RASAL2: variants seen among roughly 807,000 people sequenced by gnomAD.
RASAL2 encodes RAS protein activator like 2, also known as ras GTPase-activating protein nGAP.
RASAL2 carries 58 observed loss-of-function variants against 128.9 expected under a neutral mutation model. That is an observed-to-expected ratio of 0.45 (90% CI 0.36 to 0.56). The LOEUF (loss-of-function observed/expected upper bound fraction) is 0.56. RASAL2 is among the 20% of genes least tolerant of loss of function. RASAL2 has a pLI of 0.00. For missense variants in RASAL2, 1,360 were observed against 1,601.6 expected (o/e 0.85, Z 2.57); for synonymous variants, 561 against 580.8 (o/e 0.97, Z 0.49).
intron 8 of RASAL2, among the ~76,000 whole-genome samples, chr1:178,444,787 C>T (rs1418854402): frequency 1.3e-5 from 2 of 151,904 alleles, no homozygotes; most frequent in African/African-American, 2.4e-5. Context: ...CACTGTGGAC[C>T]GATTTGTAAG....
intron 1 of RASAL2, among the ~76,000 whole-genome samples, chr1:178,281,187 G>A (rs1270834156): frequency 6.6e-6 from 1 of 151,802 alleles, no homozygotes; most frequent in African/African-American, 2.4e-5. Context: ...AGAAAAAGAA[G>A]CTGTAAAATC....
intron 15 of RASAL2, among the ~76,000 whole-genome samples, 190 bp downstream of exon 15, chr1:178,464,602 A>C (rs1328424781): frequency 2.6e-5 from 3 of 115,156 alleles, no homozygotes; most frequent in African/African-American, 4.1e-5. Flanking sequence ...GTGTGTGTGA[A>C]TATACATGGA....
chr1:178,391,676 G>A (rs1443629539), intron 4 of RASAL2, among the ~76,000 whole-genome samples: 1 of 152,148 alleles, frequency 6.6e-6, no homozygotes, highest in Non-Finnish European at 1.5e-5. Flanking sequence ...AGTACAAAAA[G>A]GAGTCAGACT....
intron 4 of RASAL2, among the ~76,000 whole-genome samples, chr1:178,399,306 T>C (rs1673461463): frequency 6.6e-6 from 1 of 151,992 alleles, no homozygotes; most frequent in African/African-American, 2.4e-5. Flanking sequence ...AGGGTAGTCC[T>C]TGCCCCTGCC....
At chr1:178,353,989 A>G (rs1013633316) in intron 3 of RASAL2, among the ~76,000 whole-genome samples, 35 of 152,092 alleles carry the variant, frequency 2.3e-4, no homozygotes, top group African/African-American at 8.5e-4. Context: ...AAGAAGAAGG[A>G]AGATACATTT....
chr1:178,246,736 G>A (rs916119733), intron 1 of RASAL2, among the ~76,000 whole-genome samples: 1 of 152,086 alleles, frequency 6.6e-6, no homozygotes, highest in Non-Finnish European at 1.5e-5. Context: ...TTTGAGATAT[G>A]TTCCATCAAT....
intron 5 of RASAL2, among the ~76,000 whole-genome samples, chr1:178,435,950 C>G (rs1245981325): frequency 6.6e-6 from 1 of 152,040 alleles, no homozygotes; most frequent in Non-Finnish European, 1.5e-5. Flanking sequence ...TCATTATTCT[C>G]CCAATAAATC....
chr1:178,445,466 T>A, intron 8 of RASAL2, 52 bp from the exon 9 acceptor site: 1 of 1,565,772 alleles, frequency 6.4e-7, no homozygotes, highest in Non-Finnish European at 8.7e-7. Flanking sequence ...TCTCTTCTAA[T>A]GTGTATTATT....
At chr1:178,191,363 A>G (rs906265645) in intron 1 of RASAL2, among the ~76,000 whole-genome samples, 7 of 151,884 alleles carry the variant, frequency 4.6e-5, no homozygotes, top group African/African-American at 1.2e-4. Flanking sequence ...AAAAAAACAC[A>G]TACAAAAACA....
intron 8 of RASAL2, among the ~76,000 whole-genome samples, chr1:178,444,559 ATGT>A (rs1314220977): frequency 2.6e-5 from 4 of 152,310 alleles, no homozygotes; most frequent in Admixed American, 2.6e-4. Flanking sequence ...AAAATATATG[ATGT>A]TATCACATTC....
intron 1 of RASAL2, among the ~76,000 whole-genome samples, chr1:178,267,405 T>C (rs1051648754): frequency 6.6e-6 from 1 of 152,114 alleles, no homozygotes; most frequent in Non-Finnish European, 1.5e-5. Flanking sequence ...TGGTTTGTTT[T>C]TATCAGTATT....
At chr1:178,236,956 G>A (rs1374939657) in intron 1 of RASAL2, among the ~76,000 whole-genome samples, 1 of 151,650 alleles carries the variant, frequency 6.6e-6, no homozygotes, top group Non-Finnish European at 1.5e-5. Context: ...TAGAGATGGG[G>A]TTTCGCCATG....
chr1:178,190,590 A>G (rs1662458970), intron 1 of RASAL2, among the ~76,000 whole-genome samples: 1 of 152,208 alleles, frequency 6.6e-6, no homozygotes, highest in Non-Finnish European at 1.5e-5. Flanking sequence ...TCTAGCTAGA[A>G]TAAACTACGT....
chr1:178,459,978 C>T (rs1200353449), intron 14 of RASAL2, among the ~76,000 whole-genome samples: 2 of 152,132 alleles, frequency 1.3e-5, no homozygotes, highest in Admixed American at 1.3e-4. Flanking sequence ...TGTTAGAAGG[C>T]TATCAGTCAT....
chr1:178,244,244 AT>A (rs905802489), intron 1 of RASAL2, among the ~76,000 whole-genome samples: 13 of 148,804 alleles, frequency 8.7e-5, no homozygotes, highest in South Asian at 6.5e-4. Flanking sequence ...CTTTTATTTC[AT>A]TTTTTTTTTC....
At chr1:178,371,200 A>G (rs951706945) in intron 3 of RASAL2, among the ~76,000 whole-genome samples, 1 of 151,728 alleles carries the variant, frequency 6.6e-6, no homozygotes, top group African/African-American at 2.4e-5. Context: ...AAACGATGTA[A>G]AAAATTCATC....
chr1:178,458,231 C>T lies in RASAL2; in HGVS notation c.2939C>T (p.Thr980Ile), dbSNP rs1287916801. ...SSMEDFTKRSTQSEDFSRRHT... is the reference protein window; with the variant it reads ...SSMEDFTKRSIQSEDFSRRHT... ...ATGGAAGATTTCACTAAACGTAGCA[C>T]TCAGAGTGAGGACTTCTCCAGGCGG... is the stretch of plus-strand genomic sequence containing the variant. The change falls in exon 14 of 18, where the codon ACT becomes ATT. Residue 980 changes from threonine (T) to isoleucine (I), a missense_variant. Physicochemically the swap from Thr to Ile is moderately conservative, Grantham distance 89. Coordinates refer to ENST00000367649, the MANE Select transcript of RASAL2 (RefSeq NM_170692.4). 6.2e-7 allele frequency: 1 copy of T among 1,614,262 alleles called. No homozygotes were observed. The highest frequency in any genetic ancestry group is 1.7e-5 in the Admixed American group (1 of 60,030).
At chr1:178,297,228 A>T (rs1667556722) in intron 2 of RASAL2, among the ~76,000 whole-genome samples, 1 of 152,118 alleles carries the variant, frequency 6.6e-6, no homozygotes, top group African/African-American at 2.4e-5. Context: ...TGTATATTTC[A>T]GCTTGGGTCA....
intron 1 of RASAL2, among the ~76,000 whole-genome samples, chr1:178,262,751 A>G (rs1665756981): frequency 6.6e-6 from 1 of 151,888 alleles, no homozygotes; most frequent in Non-Finnish European, 1.5e-5. Flanking sequence ...CAGTGCTATT[A>G]AAAAGATTTT....
Sources: gnomAD v4.1 joint callset for allele counts (sites outside exome capture counted in the v4.1 genomes callset) on GRCh38, gnomAD v4.1.1 for gene constraint, MANE v1.5 for transcripts, NCBI Gene and HGNC (gene_info 2026-07-23, HGNC 2026-07-21) for gene names.